PCSK4: variants seen among roughly 807,000 people sequenced by gnomAD.
The protein encoded by PCSK4 is proprotein convertase subtilisin/kexin type 4.
PCSK4 carries 64 observed loss-of-function variants against 80.3 expected under a neutral mutation model. The observed-to-expected ratio is 0.80, with a 90% CI of 0.65 to 0.98. The LOEUF (loss-of-function observed/expected upper bound fraction) is 0.98. Among genes scored for constraint, PCSK4 ranks in the 50% least tolerant of loss-of-function variants. The pLI is 0.00. For missense variants in PCSK4, 1,213 were observed against 1,093.6 expected, an observed-to-expected ratio of 1.11 and a Z score of -1.54; for synonymous variants, 561 against 487.6, an observed-to-expected ratio of 1.15 and a Z score of -1.98.
At chr19:1,483,501 G>T in intron 11 of PCSK4, 38 bp from the exon 12 acceptor site, 1 of 1,469,768 alleles carries the variant, frequency 6.8e-7, no homozygotes, top group South Asian at 1.2e-5. Flanking sequence ...CCTGCGGCCT[G>T]CTGGGGGGTG....
chr19:1,482,616 C>G, intron 13 of PCSK4, 141 bp from the exon 14 acceptor site: 2 of 1,046,830 alleles, frequency 1.9e-6, no homozygotes, highest in Non-Finnish European at 2.7e-6. Flanking sequence ...TGCACACCTA[C>G]TGTGCGCCTG....
Position 1,483,651 on chromosome 19 carries a change from T to TG in PCSK4, c.1389dup (p.Thr464HisfsTer68). On this transcript the variant is annotated frameshift_variant and splice_region_variant, in exon 11 of 15. Coordinates refer to ENST00000300954, the Ensembl canonical transcript of PCSK4. LOFTEE classifies it high-confidence loss of function. ...CGGAGGGGCGCGCAGGGGTCTCACG[T>TG]GGGGCGGCTCTGGACCCGGACGGCG... 6.3e-7 allele frequency: 1 copy of TG among 1,584,826 alleles called. No homozygotes were observed. Among genetic ancestry groups the TG allele is most frequent in the Non-Finnish European group, 8.5e-7 (1 of 1,171,136 alleles).
exon 15 of PCSK4, chr19:1,481,830 G>A: frequency 1.3e-6 from 2 of 1,554,422 alleles, no homozygotes; most frequent in Non-Finnish European, 1.7e-6. Flanking sequence ...CAGGCGTATA[G>A]TGGGAGGTCC....
chr19:1,489,662 G>C lies in PCSK4; in HGVS notation c.294+131C>G, dbSNP rs1308295909. ...CCTCCTCTTGCTGTATAGACTTGGG[G>C]CCCGGGCGGGTCTGAGCCACAGAAA... On this transcript the variant is annotated intron_variant, in intron 2 of 14. Coordinates refer to ENST00000300954, the Ensembl canonical transcript of PCSK4. 9 of 1,445,732 alleles carry C rather than the reference G, an allele frequency of 6.2e-6. No individual in the cohort carries two copies. In the South Asian group the frequency reaches 1.1e-4, roughly 18 times the overall value. 89.6% of individuals were successfully genotyped at this position (1,445,732 alleles called of 1,614,324 possible).
chr19:1,483,087 C>A, intron 12 of PCSK4, 67 bp from the exon 13 acceptor site: 1 of 1,429,790 alleles, frequency 7.0e-7, no homozygotes, highest in Non-Finnish European at 9.3e-7. Context: ...CGGCAGAGCC[C>A]CATGAAGTGT....
exon 9 of PCSK4, chr19:1,484,043 G>T: frequency 6.4e-7 from 1 of 1,552,138 alleles, no homozygotes; most frequent in East Asian, 2.4e-5. Flanking sequence ...TCCAGCGCTA[G>T]GGCGATCATG....
rs374885230 is a variant in PCSK4 at position 1,486,840 on chromosome 19, C to T, written c.1068+13G>A. On this transcript the variant is annotated intron_variant, in intron 8 of 14. Transcript: ENST00000300954. ...GCCTGGGGAGGGGACCCTGTTGGGG[C>T]GGCTGCACTCACGATCTGGGGGTCG... is the stretch of plus-strand genomic sequence containing the variant. 84 of 1,585,672 alleles carry T rather than the reference C, an allele frequency of 5.3e-5. No individual in the cohort carries two copies. Among genetic ancestry groups the T allele is most frequent in the Middle Eastern group, 2.1e-4 (1 of 4,758 alleles).
exon 15 of PCSK4, chr19:1,481,513 T>G (rs1360293256): frequency 9.9e-6 from 4 of 404,644 alleles, no homozygotes; most frequent in African/African-American, 6.1e-5. Context: ...TCCCTCCACT[T>G]TCCCCTGGCT....
exon 8 of PCSK4, chr19:1,487,062 G>T: frequency 6.2e-7 from 1 of 1,605,348 alleles, no homozygotes; most frequent in Non-Finnish European, 8.5e-7. Flanking sequence ...AGCCCGCCGC[G>T]GCCCTGGGAA....
intron 2 of PCSK4, among the ~76,000 whole-genome samples, chr19:1,488,726 G>A (rs549406025): frequency 1.3e-5 from 2 of 152,094 alleles, no homozygotes; most frequent in East Asian, 1.9e-4. Flanking sequence ...GACTACAGGC[G>A]CACACCACCA....
At chr19:1,483,733 G>T in exon 11 of PCSK4, 1 of 1,594,602 alleles carries the variant, frequency 6.3e-7, no homozygotes, top group Non-Finnish European at 8.5e-7. Flanking sequence ...CCAGCAGCCC[G>T]GCGTCCAGCA....
At position 1,486,841 on chromosome 19, in the gene PCSK4, G is replaced by T; in HGVS notation, c.1068+12C>A. 6.9e-6 allele frequency: 11 copies of T among 1,588,078 alleles called. No homozygotes were observed. The highest frequency in any genetic ancestry group is 9.4e-6 in the Non-Finnish European group (11 of 1,174,084). ...CCTGGGGAGGGGACCCTGTTGGGGC[G>T]GCTGCACTCACGATCTGGGGGTCGG... is the stretch of plus-strand genomic sequence containing the variant. On this transcript the variant is annotated intron_variant, in intron 8 of 14. Coordinates refer to ENST00000300954, the Ensembl canonical transcript of PCSK4.
At chr19:1,485,611 C>T (rs187772929) in intron 8 of PCSK4, among the ~76,000 whole-genome samples, 6 of 151,930 alleles carry the variant, frequency 3.9e-5, no homozygotes, top group African/African-American at 1.5e-4. Context: ...GTGGCTCACA[C>T]CTGTAATCCC....
At position 1,483,947 on chromosome 19, in the gene PCSK4, GGGGGC is replaced by G; in HGVS notation, c.1170-11_1170-7del. The G allele has an allele frequency of 1.4e-6, 2 of 1,411,440 alleles. No homozygotes were observed. The highest frequency in any genetic ancestry group is 1.8e-6 in the Non-Finnish European group (2 of 1,085,204). 87.4% of individuals were successfully genotyped at this position (1,411,440 alleles called of 1,614,324 possible). On this transcript the variant is annotated splice_region_variant and splice_polypyrimidine_tract_variant and intron_variant, in intron 9 of 14. Transcript: ENST00000300954. ...CTCTCCACGTCAGGAACGGGCTGCGGGGGGCGGGGGCGGGGGCGGGTGAGCCGCCG... is the reference window on the plus strand; with the variant it reads ...CTCTCCACGTCAGGAACGGGCTGCGGGGGGGCGGGGGCGGGTGAGCCGCCG...
At chr19:1,490,172 C>G (rs762965150) in exon 1 of PCSK4, 6 of 1,613,628 alleles carry the variant, frequency 3.7e-6, no homozygotes, top group Non-Finnish European at 5.1e-6. Flanking sequence ...CCCAGGTTGA[C>G]GAAGCCGAAT....
rs529488817 is a variant in PCSK4, at chr19:1,483,446, A to G, written c.1409T>C (p.Ile470Thr). ...GGCCGATACGTTTTCCCTGATGTAGATCAGCGGCAGGATGGGGCTGAGGGG... is the reference window on the plus strand; with the variant it reads ...GGCCGATACGTTTTCCCTGATGTAGGTCAGCGGCAGGATGGGGCTGAGGGG... The change falls in exon 12 of 15, where the codon ATC becomes ACC. Residue 470 changes from isoleucine (I) to threonine (T), a missense_variant. Physicochemically the swap from Ile to Thr is moderately conservative, Grantham distance 89 (BLOSUM62 -1). Transcript: ENST00000300954. 6.9e-6 allele frequency: 11 copies of G among 1,594,344 alleles called. No homozygotes were observed. In the South Asian group the frequency reaches 1.1e-4, roughly 16 times the overall value.
rs745369542 is a variant in PCSK4 at position 1,483,947 on chromosome 19, G to A, written c.1170-6C>T. 4.3e-6 allele frequency: 6 copies of A among 1,411,340 alleles called. No homozygotes were observed. The South Asian group carries it at 5.6e-5, about 13-fold the overall frequency. 87.4% of individuals were successfully genotyped at this position (1,411,340 alleles called of 1,614,324 possible). A position where few individuals can be genotyped will look rare whatever the true frequency, so the allele number is the denominator to read the frequency against. ...CTCTCCACGTCAGGAACGGGCTGCGGGGGGCGGGGGCGGGGGCGGGTGAGC... is the reference window on the plus strand; with the variant it reads ...CTCTCCACGTCAGGAACGGGCTGCGAGGGGCGGGGGCGGGGGCGGGTGAGC... On this transcript the variant is annotated splice_polypyrimidine_tract_variant and splice_region_variant and intron_variant, in intron 9 of 14. Coordinates refer to ENST00000300954, the Ensembl canonical transcript of PCSK4.
chr19:1,482,206 C>A, exon 15 of PCSK4: 5 of 1,533,996 alleles, frequency 3.3e-6, no homozygotes, highest in Non-Finnish European at 4.4e-6. Flanking sequence ...GGCCGTCACA[C>A]GCTGCTCGGG....
chr19:1,483,587 A>G, intron 11 of PCSK4, 63 bp downstream of exon 11: 1 of 1,435,924 alleles, frequency 7.0e-7, no homozygotes, highest in Non-Finnish European at 9.4e-7. Context: ...GGGTAAACTG[A>G]GGCCTCAGGC....
Sources: allele counts gnomAD v4.1 joint callset (sites outside exome capture counted in the v4.1 genomes callset), GRCh38; gene constraint gnomAD v4.1.1; transcripts MANE v1.5; gene names NCBI Gene and HGNC (gene_info 2026-07-23, HGNC 2026-07-21).